SMIM14: variants seen among roughly 807,000 people sequenced by gnomAD.
SMIM14 encodes small integral membrane protein 14, also known as chromosome 4 open reading frame 34.
Under a neutral mutation model 12.6 loss-of-function variants are expected in SMIM14, and 5 were observed. That is an observed-to-expected ratio of 0.40 (90% CI 0.21 to 0.83). The LOEUF is 0.83. Ranked by LOEUF, SMIM14 falls within the 40% of genes least tolerant of loss-of-function variation. SMIM14 has a pLI of 0.37. For missense variants in SMIM14, 86 were observed against 119.1 expected (o/e 0.72, Z 1.29); for synonymous variants, 30 against 40.1 (o/e 0.75, Z 0.95).
At position 39,604,137 on chromosome 4, in the gene SMIM14, A is replaced by T. The variant is rs567011033; in HGVS notation, c.75+934T>A. On this transcript the variant is annotated intron_variant, in intron 2 of 4. Transcript: ENST00000295958. ...AGCTTAGCAGGCAAACAAGCTCCAC[A>T]CAGCTAAAAACAATTTTATTTGTAT... Among the ~76,000 whole-genome samples the T allele has an allele frequency of 1.4e-4, 22 of 152,316 alleles. No individual in the cohort carries two copies. The South Asian group carries it at 4.1e-3, about 29-fold the overall frequency.
intron 1 of SMIM14, among the ~76,000 whole-genome samples, chr4:39,616,567 A>G (rs1343439601): frequency 1.3e-5 from 2 of 151,940 alleles, no homozygotes; most frequent in African/African-American, 4.8e-5. Flanking sequence ...TACCCACATC[A>G]AAACGTAACA....
Position 39,620,762 on chromosome 4 carries a change from G to C in SMIM14, c.-35-15582C>G, listed in dbSNP as rs544574200. ...ATGTGGGAAGTGGTGAGTAAGTCCT[G>C]ATGACCCTGTGTTAAATCTTTAAGG... is the stretch of plus-strand genomic sequence containing the variant. On this transcript the variant is annotated intron_variant, in intron 1 of 4. Coordinates refer to ENST00000295958, the MANE Select transcript of SMIM14 (RefSeq NM_174921.3). 5.9e-5 allele frequency among the ~76,000 whole-genome samples: 9 copies of C among 152,332 alleles called. No homozygotes were observed. The South Asian group carries it at 1.9e-3, about 32-fold the overall frequency.
intron 1 of SMIM14, among the ~76,000 whole-genome samples, chr4:39,631,460 C>T (rs1014126518): frequency 6.6e-6 from 1 of 151,580 alleles, no homozygotes; most frequent in African/African-American, 2.4e-5. Context: ...AGATCGAGAC[C>T]ATCCTGGCTA....
intron 3 of SMIM14, among the ~76,000 whole-genome samples, chr4:39,565,367 C>A (rs1288744267): frequency 1.3e-5 from 2 of 152,110 alleles, no homozygotes; most frequent in Non-Finnish European, 2.9e-5. Context: ...CACTCTGTCA[C>A]CCAGGTTGGA....
chr4:39,556,680 G>T, intron 3 of SMIM14, 110 bp from the exon 4 acceptor site: 1 of 985,918 alleles, frequency 1.0e-6, no homozygotes, highest in South Asian at 2.4e-5. Context: ...AAATTGTATT[G>T]ATAAATTACA....
chr4:39,559,179 C>T (rs948634720), intron 3 of SMIM14, among the ~76,000 whole-genome samples: 2 of 152,084 alleles, frequency 1.3e-5, no homozygotes, highest in South Asian at 4.1e-4. Flanking sequence ...CAGGGTGATA[C>T]CTCACAAGAG....
intron 1 of SMIM14, among the ~76,000 whole-genome samples, chr4:39,617,514 C>A (rs1199203071): frequency 6.6e-6 from 1 of 152,082 alleles, no homozygotes; most frequent in Non-Finnish European, 1.5e-5. Context: ...ATTGTTTAAA[C>A]CCTGTCTTAC....
chr4:39,549,191 C>T lies in SMIM14; in HGVS notation c.*2935G>A, dbSNP rs1711544101. On this transcript the variant is annotated 3_prime_UTR_variant, in exon 5 of 5. Transcript: ENST00000295958. The stretch of plus-strand genomic sequence containing the variant: ...CTTGGGCGAAAGAGCAAAACTCCAT[C>T]TCAAAACAACAACCAAAAAGAATCC... The T allele has an allele frequency of 6.6e-6, 1 of 152,110 alleles. No individual in the cohort carries two copies. Among genetic ancestry groups the T allele is most frequent in the Non-Finnish European group, 1.5e-5 (1 of 68,044 alleles). 9.4% of individuals were successfully genotyped at this position (152,110 alleles called of 1,614,324 possible). A position where few individuals can be genotyped will look rare whatever the true frequency, so the allele number is the denominator to read the frequency against.
At chr4:39,589,553 C>T (rs903186948) in intron 2 of SMIM14, 14 of 152,278 alleles carry the variant, frequency 9.2e-5, no homozygotes, top group South Asian at 4.1e-4. Flanking sequence ...AATCCAAGTT[C>T]GCATTTCTAA....
At chr4:39,559,179 C>A (rs948634720) in intron 3 of SMIM14, among the ~76,000 whole-genome samples, 2 of 152,084 alleles carry the variant, frequency 1.3e-5, no homozygotes, top group Admixed American at 1.3e-4. Flanking sequence ...CAGGGTGATA[C>A]CTCACAAGAG....
At position 39,574,523 on chromosome 4, in the gene SMIM14, G is replaced by A. The variant is rs1352637601; in HGVS notation, c.76-2060C>T. ...CTCCCAAAGTGCTGGGATTACAGGC[G>A]TGAGCCACAGCACCTGGCCCTGCAA... On this transcript the variant is annotated intron_variant, in intron 2 of 4. Coordinates refer to ENST00000295958, the MANE Select transcript of SMIM14 (RefSeq NM_174921.3). Among the ~76,000 whole-genome samples the A allele has an allele frequency of 3.3e-5, 5 of 152,060 alleles. No homozygotes were observed. In the South Asian group the frequency reaches 6.2e-4, roughly 19 times the overall value.
intron 3 of SMIM14, among the ~76,000 whole-genome samples, chr4:39,556,979 G>A (rs1578308563): frequency 6.6e-6 from 1 of 151,046 alleles, no homozygotes; most frequent in East Asian, 1.9e-4. Flanking sequence ...TTTATTTTTA[G>A]TAGAGACACT....
intron 2 of SMIM14, among the ~76,000 whole-genome samples, chr4:39,576,758 G>A (rs1431861378): frequency 8.0e-6 from 1 of 125,364 alleles, no homozygotes; most frequent in Non-Finnish European, 1.6e-5. Flanking sequence ...CTAGGCTGGC[G>A]TGCAGTGCAG....
In SMIM14 at chr4:39,588,377, A is replaced by G. The variant is rs147538321; in HGVS notation, c.76-15914T>C. ...GGCAAAATAGAGAGACCCCATCTCT[A>G]TTCTAAATAAATAAATAAAACGTAA... On this transcript the variant is annotated intron_variant, in intron 2 of 4. Coordinates refer to ENST00000295958, the MANE Select transcript of SMIM14 (RefSeq NM_174921.3). 1.7e-4 allele frequency among the ~76,000 whole-genome samples: 26 copies of G among 152,324 alleles called. 1 individual carries two copies. The highest frequency in any genetic ancestry group is 6.0e-4 in the African/African-American group (25 of 41,576).
At chr4:39,564,747 G>T (rs28583696) in intron 3 of SMIM14, among the ~76,000 whole-genome samples, 1 of 152,154 alleles carries the variant, frequency 6.6e-6, no homozygotes, top group African/African-American at 2.4e-5. Flanking sequence ...ACTCTGGAGT[G>T]AAAATGTAAA....
chr4:39,557,814 G>A (rs1027615609), intron 3 of SMIM14, among the ~76,000 whole-genome samples: 1 of 152,036 alleles, frequency 6.6e-6, no homozygotes, highest in Admixed American at 6.6e-5. Context: ...AATTACAGAG[G>A]CATCATGAAA....
intron 3 of SMIM14, among the ~76,000 whole-genome samples, chr4:39,557,025 T>TG (rs1231676122): frequency 2.0e-5 from 3 of 151,646 alleles, no homozygotes; most frequent in South Asian, 2.1e-4. Context: ...ATTTTTTTTT[T>TG]TTTTTTTGAG....
chr4:39,632,337 G>A (rs951613354), intron 1 of SMIM14, among the ~76,000 whole-genome samples: 1 of 151,864 alleles, frequency 6.6e-6, no homozygotes, highest in African/African-American at 2.4e-5. Flanking sequence ...AAAATTAGCT[G>A]GGCATGGTGG....
At chr4:39,608,566 A>G (rs149707982) in intron 1 of SMIM14, among the ~76,000 whole-genome samples, 87 of 152,362 alleles carry the variant, frequency 5.7e-4, no homozygotes, top group Non-Finnish European at 8.4e-4. Flanking sequence ...CTATGATTCC[A>G]TTTATATGAA....
Sources: allele counts gnomAD v4.1 joint callset (sites outside exome capture counted in the v4.1 genomes callset), GRCh38; gene constraint gnomAD v4.1.1; transcripts MANE v1.5; gene names NCBI Gene and HGNC (gene_info 2026-07-23, HGNC 2026-07-21).